GNPDA2: variants seen among roughly 807,000 people sequenced by gnomAD.
GNPDA2 encodes the protein glcN6P deaminase 2.
In GNPDA2, 24 loss-of-function variants were observed where a neutral mutation model predicts 27.0. The ratio of observed to expected loss-of-function variants is 0.89; its 90% CI spans 0.64 to 1.25. GNPDA2 has a LOEUF of 1.25. Among genes scored for constraint, GNPDA2 ranks in the 50% most tolerant of loss-of-function variants. The pLI is 0.00. For synonymous variants in GNPDA2, 94 were observed against 108.4 expected (o/e 0.87, Z 0.83); for missense variants, 286 against 335.1 (o/e 0.85, Z 1.14).
intron 4 of GNPDA2, among the ~76,000 whole-genome samples, chr4:44,713,677 C>T (rs1244027930): frequency 2.0e-5 from 3 of 152,040 alleles, no homozygotes; most frequent in South Asian, 4.2e-4. Flanking sequence ...GTCAGGAGTT[C>T]GAGACCAGCC....
intron 4 of GNPDA2, among the ~76,000 whole-genome samples, chr4:44,711,760 A>C (rs1716994189): frequency 6.6e-6 from 1 of 151,060 alleles, no homozygotes; most frequent in African/African-American, 2.4e-5. Flanking sequence ...TTTTTTTCAA[A>C]CTTCTGACTG....
chr4:44,722,037 A>T (rs1577596761), intron 2 of GNPDA2, 47 bp downstream of exon 2: 4 of 1,373,086 alleles, frequency 2.9e-6, no homozygotes, highest in Non-Finnish European at 4.1e-6. Flanking sequence ...CATCAGAATT[A>T]AATTTAGATA....
chr4:44,705,380 G>A, intron 6 of GNPDA2: 3 of 984,908 alleles, frequency 3.0e-6, no homozygotes, highest in Non-Finnish European at 3.6e-6. Flanking sequence ...TCATATTGAA[G>A]GAGGTATCCT....
rs985283705 is a variant in GNPDA2, at chr4:44,701,986, G to T, written c.*1095C>A. On this transcript the variant is annotated 3_prime_UTR_variant, in exon 7 of 7. Coordinates refer to ENST00000295448, the MANE Select transcript of GNPDA2 (RefSeq NM_138335.3). ...GGTGGGCTTATGAAATGCAAAATAA[G>T]CAAAAGGAGCATTTTTTTGCTCCCC... 5.1e-6 allele frequency: 5 copies of T among 984,864 alleles called. No homozygotes were observed. The highest frequency in any genetic ancestry group is 6.0e-6 in the Non-Finnish European group (5 of 829,540). The allele number at this position is 984,864 out of a possible 1,614,324, so 61.0% of individuals were successfully genotyped here.
intron 2 of GNPDA2, among the ~76,000 whole-genome samples, chr4:44,719,954 A>AT (rs1717565755): frequency 6.6e-6 from 1 of 152,156 alleles, no homozygotes. Flanking sequence ...CAAAATAACC[A>AT]TAACACAGGA....
At chr4:44,714,245 G>GATT in intron 4 of GNPDA2, 39 of 955,764 alleles carry the variant, frequency 4.1e-5, no homozygotes, top group Non-Finnish European at 4.9e-5. Context: ...AAAGTGCTGG[G>GATT]ATTATAGGTG....
Position 44,707,932 on chromosome 4 carries a change from A to G in GNPDA2, c.595-6T>C. On this transcript the variant is annotated splice_polypyrimidine_tract_variant and splice_region_variant and intron_variant, in intron 5 of 6. Coordinates refer to ENST00000295448, the MANE Select transcript of GNPDA2 (RefSeq NM_138335.3). ...CCTGTTATAAGGATCATTACCTGAA[A>G]AATTATGAACATCAATTGTTAAAAC... 1 of 1,557,924 alleles carries G rather than the reference A, an allele frequency of 6.4e-7. No homozygotes were observed.
chr4:44,707,542 G>T (rs1307305175), intron 6 of GNPDA2: 4 of 429,636 alleles, frequency 9.3e-6, no homozygotes, highest in Non-Finnish European at 1.6e-5. Context: ...AATAGAGACT[G>T]AAGAGATTCT....
chr4:44,707,753 T>G lies in GNPDA2; in HGVS notation c.768A>C (p.Lys256Asn). ...CGGCTTTTGAAATTCAGTGCTCACC[T>G]TTAAAGTATTTCACAGTTTTAACTC... is the stretch of plus-strand genomic sequence containing the variant. Reference protein sequence around the residue: ...ELRVKTVKYFKGLMHVHNKLV... With the variant: ...ELRVKTVKYFNGLMHVHNKLV... Residue 256 changes from lysine (K) to asparagine (N), a missense_variant and splice_region_variant, in exon 6 of 7, where the codon AAA (lysine) becomes AAC (asparagine). Lys to Asn is a moderately conservative substitution (Grantham distance 94). Coordinates refer to ENST00000295448, the MANE Select transcript of GNPDA2 (RefSeq NM_138335.3). 6.2e-7 allele frequency: 1 copy of G among 1,611,932 alleles called. No homozygotes were observed. Among genetic ancestry groups the G allele is most frequent in the Non-Finnish European group, 8.5e-7 (1 of 1,178,720 alleles).
chr4:44,718,231 T>G, intron 3 of GNPDA2, 78 bp downstream of exon 3: 1 of 556,828 alleles, frequency 1.8e-6, no homozygotes, highest in Admixed American at 3.4e-5. Flanking sequence ...CAAATATACT[T>G]GTATTCTAAA....
At chr4:44,726,168 G>A (rs1718007108) in intron 1 of GNPDA2, among the ~76,000 whole-genome samples, 1 of 152,192 alleles carries the variant, frequency 6.6e-6, no homozygotes, top group Non-Finnish European at 1.5e-5. Context: ...GACAGCGAAT[G>A]CAAATGAGGA....
intron 6 of GNPDA2, chr4:44,704,632 T>TTTCTACATAC (rs1263113607): frequency 1.2e-6 from 1 of 859,418 alleles, no homozygotes; most frequent in Admixed American, 6.2e-5. Flanking sequence ...AACTGACAAC[T>TTTCTACATAC]TTCTACATAC....
chr4:44,702,633 T>C lies in GNPDA2; in HGVS notation c.*448A>G. ...GCAACCACGTGCAGAAAAGCATGTG[T>C]GTGATGCACAGAAAATATAAAGATT... is the stretch of plus-strand genomic sequence containing the variant. On this transcript the variant is annotated 3_prime_UTR_variant, in exon 7 of 7. Coordinates refer to ENST00000295448, the MANE Select transcript of GNPDA2 (RefSeq NM_138335.3). 1 of 1,010,654 alleles carries C rather than the reference T, an allele frequency of 9.9e-7. No individual in the cohort carries two copies. Among genetic ancestry groups the C allele is most frequent in the Non-Finnish European group, 1.2e-6 (1 of 847,450 alleles). 62.6% of individuals were successfully genotyped at this position (1,010,654 alleles called of 1,614,324 possible). A position where few individuals can be genotyped will look rare whatever the true frequency, so the allele number is the denominator to read the frequency against.
At chr4:44,705,520 C>T (rs1716543408) in intron 6 of GNPDA2, 1 of 965,240 alleles carries the variant, frequency 1.0e-6, no homozygotes, top group Non-Finnish European at 1.2e-6. Flanking sequence ...GAAGAGCTTA[C>T]AATTAGATGA....
At chr4:44,721,935 T>C (rs905264689) in intron 2 of GNPDA2, 149 bp downstream of exon 2, 7 of 572,762 alleles carry the variant, frequency 1.2e-5, no homozygotes, top group African/African-American at 7.6e-5. Flanking sequence ...TTTATATATA[T>C]GCATTTTTCT....
In GNPDA2 at chr4:44,719,315, CA is replaced by C. The variant is rs560841472; in HGVS notation, c.125-906del. Among the ~76,000 whole-genome samples the C allele has an allele frequency of 3.3e-5, 5 of 151,828 alleles. No homozygotes were observed. The East Asian group carries it at 7.8e-4, about 24-fold the overall frequency. The stretch of plus-strand genomic sequence containing the variant: ...GAACAGTGTAAAACAAAAGGCTGCA[CA>C]AAAAATTCCAACCCAAGTATTATAC... On this transcript the variant is annotated intron_variant, in intron 2 of 6. Coordinates refer to ENST00000295448, the MANE Select transcript of GNPDA2 (RefSeq NM_138335.3).
chr4:44,718,353 A>T lies in GNPDA2; in HGVS notation c.182T>A (p.Leu61His). The T allele has an allele frequency of 7.3e-7, 1 of 1,377,096 alleles. No individual in the cohort carries two copies. The highest frequency in any genetic ancestry group is 1.0e-6 in the Non-Finnish European group (1 of 1,001,228). 85.3% of individuals were successfully genotyped at this position (1,377,096 alleles called of 1,614,324 possible). ...KLIEYHKNGH[L>H]SFKYVKTFNM... ...AAAGGTCTTCACATATTTAAAAGAAAGGTGTCCATTCTTATGATATTCTAT... is the reference window on the plus strand; with the variant it reads ...AAAGGTCTTCACATATTTAAAAGAATGGTGTCCATTCTTATGATATTCTAT... Residue 61 changes from leucine (L) to histidine (H), a missense_variant, in exon 3 of 7, where the codon CTT becomes CAT. Leu to His is a moderately conservative substitution (Grantham distance 99, BLOSUM62 -3). Coordinates refer to ENST00000295448, the MANE Select transcript of GNPDA2 (RefSeq NM_138335.3).
intron 2 of GNPDA2, among the ~76,000 whole-genome samples, chr4:44,721,207 C>G (rs6447370): frequency 0.53 from 79,982 of 151,984 alleles, 22,469 homozygotes; most frequent in Non-Finnish European, 0.64. Context: ...TATGTAATTA[C>G]CATGTATGAG....
At chr4:44,724,454 A>G (rs867464869) in intron 1 of GNPDA2, among the ~76,000 whole-genome samples, 15 of 152,342 alleles carry the variant, frequency 9.8e-5, no homozygotes, top group Non-Finnish European at 1.9e-4. Flanking sequence ...AGAAATCTTC[A>G]TACTTTTTTC....
Sources: allele counts gnomAD v4.1 joint callset (sites outside exome capture counted in the v4.1 genomes callset), GRCh38; gene constraint gnomAD v4.1.1; transcripts MANE v1.5; gene names NCBI Gene and HGNC (gene_info 2026-07-23, HGNC 2026-07-21).